Variants in TAB2 observed in about 807,000 individuals in gnomAD.
TAB2 encodes TGF-beta activated kinase 1 (MAP3K7) binding protein 2.
Under a neutral mutation model 65.0 loss-of-function variants are expected in TAB2, and 3 were observed. The ratio of observed to expected loss-of-function variants is 0.05; its 90% CI spans 0.02 to 0.12. TAB2 has a LOEUF of 0.12. TAB2 is among the 10% of genes least tolerant of loss of function. The pLI is 1.00. For missense variants in TAB2, 623 were observed against 840.3 expected, an observed-to-expected ratio of 0.74 and a Z score of 3.20; for synonymous variants, 298 against 285.1, an observed-to-expected ratio of 1.05 and a Z score of -0.46.
chr6:149,331,878 A>G (rs146261565), intron 1 of TAB2, among the ~76,000 whole-genome samples: 257 of 152,312 alleles, frequency 1.7e-3, no homozygotes, highest in Non-Finnish European at 3.0e-3. Flanking sequence ...CTTTGGAGAT[A>G]GAGCAAAGAT....
chr6:149,318,757 T>C (rs1779343028), intron 1 of TAB2: 1 of 152,316 alleles, frequency 6.6e-6, no homozygotes, highest in African/African-American at 2.4e-5. Context: ...TCAGGCACAG[T>C]CGTACACCAA....
At chr6:149,240,646 C>T (rs1777580175) in intron 1 of TAB2, among the ~76,000 whole-genome samples, 1 of 152,072 alleles carries the variant, frequency 6.6e-6, no homozygotes, top group Admixed American at 6.6e-5. Context: ...TTTTTCTACT[C>T]TTTCTACTAT....
chr6:149,310,769 A>C (rs1779153354), intron 1 of TAB2, among the ~76,000 whole-genome samples: 2 of 152,230 alleles, frequency 1.3e-5, no homozygotes, highest in South Asian at 4.1e-4. Flanking sequence ...CATCAAAAGC[A>C]ATATCTCTAC....
At chr6:149,382,880 A>G (rs1332248627) in intron 3 of TAB2, among the ~76,000 whole-genome samples, 1 of 152,110 alleles carries the variant, frequency 6.6e-6, no homozygotes, top group Non-Finnish European at 1.5e-5. Flanking sequence ...AAGGCTGGGC[A>G]TGGTGGCTCA....
chr6:149,241,603 A>T (rs1777599389), intron 1 of TAB2, among the ~76,000 whole-genome samples: 1 of 152,226 alleles, frequency 6.6e-6, no homozygotes, highest in South Asian at 2.1e-4. Context: ...AATATGACGA[A>T]AATGAGATTA....
intron 6 of TAB2, among the ~76,000 whole-genome samples, chr6:149,405,405 A>G (rs1782629952): frequency 6.6e-6 from 1 of 152,242 alleles, no homozygotes; most frequent in Non-Finnish European, 1.5e-5. Flanking sequence ...ACTACTGAGC[A>G]TATATCCAAA....
chr6:149,250,430 C>T (rs897729424), intron 1 of TAB2, among the ~76,000 whole-genome samples: 5 of 152,048 alleles, frequency 3.3e-5, no homozygotes, highest in Non-Finnish European at 5.9e-5. Flanking sequence ...CTCAACCTCC[C>T]GAGTACCTGG....
intron 1 of TAB2, among the ~76,000 whole-genome samples, chr6:149,287,441 A>G (rs574478415): frequency 6.6e-6 from 1 of 152,062 alleles, no homozygotes; most frequent in African/African-American, 2.4e-5. Context: ...TCCCCTACAC[A>G]TAAAGTTACA....
At chr6:149,277,043 CTTGA>C (rs917157540) in intron 1 of TAB2, among the ~76,000 whole-genome samples, 3 of 152,174 alleles carry the variant, frequency 2.0e-5, no homozygotes, top group African/African-American at 7.2e-5. Context: ...CTCATTCTCT[CTTGA>C]TTGTCACCAT....
At chr6:149,400,460 G>A (rs746964200) in intron 6 of TAB2, 29 of 1,614,100 alleles carry the variant, frequency 1.8e-5, no homozygotes, top group Admixed American at 1.5e-4. Flanking sequence ...TGAAGGTGGC[G>A]GGACAGGATG....
upstream of TAB2, among the ~76,000 whole-genome samples, chr6:149,315,215 A>C (rs1003162376): frequency 2.6e-5 from 4 of 152,212 alleles, no homozygotes; most frequent in Non-Finnish European, 5.9e-5. Context: ...GGTTTTAAAA[A>C]CTATTTACTT....
intron 2 of TAB2, among the ~76,000 whole-genome samples, chr6:149,375,809 G>A (rs1168590133): frequency 6.6e-6 from 1 of 152,168 alleles, no homozygotes; most frequent in African/African-American, 2.4e-5. Flanking sequence ...AAATTAGTAT[G>A]TATCAATTAA....
intron 1 of TAB2, among the ~76,000 whole-genome samples, chr6:149,245,811 C>T (rs1692551550): frequency 6.6e-6 from 1 of 152,218 alleles, no homozygotes; most frequent in Admixed American, 6.5e-5. Context: ...TACCATTCCC[C>T]TACAGATGGA....
chr6:149,267,292 T>C (rs1014241246), intron 1 of TAB2, among the ~76,000 whole-genome samples: 1 of 152,166 alleles, frequency 6.6e-6, no homozygotes, highest in Non-Finnish European at 1.5e-5. Flanking sequence ...TCCTTCTTCC[T>C]CTTCCTGCTG....
chr6:149,365,117 T>TA (rs1373780945), intron 1 of TAB2, among the ~76,000 whole-genome samples: 1 of 152,212 alleles, frequency 6.6e-6, no homozygotes, highest in East Asian at 1.9e-4. Context: ...CAGAACTTTA[T>TA]ACCTATTGCT....
At chr6:149,292,680 A>G (rs934356273) in intron 1 of TAB2, among the ~76,000 whole-genome samples, 1 of 152,250 alleles carries the variant, frequency 6.6e-6, no homozygotes, top group African/African-American at 2.4e-5. Flanking sequence ...ACATATGTCA[A>G]AAAATGACAT....
intron 1 of TAB2, among the ~76,000 whole-genome samples, chr6:149,275,252 GAAAGAAAGAA>G (rs1183986226): frequency 7.4e-6 from 1 of 135,252 alleles, no homozygotes; most frequent in Non-Finnish European, 1.6e-5. Flanking sequence ...AAGAAAGAAA[GAAAGAAAGAA>G]AGAAAGAAAG....
intron 2 of TAB2, among the ~76,000 whole-genome samples, chr6:149,370,394 C>T (rs952768598): frequency 2.0e-5 from 3 of 152,106 alleles, no homozygotes; most frequent in African/African-American, 7.2e-5. Context: ...ACTTTTCTCC[C>T]ACCTGTTCTG....
intron 1 of TAB2, among the ~76,000 whole-genome samples, chr6:149,264,276 T>A (rs1778215916): frequency 6.6e-6 from 1 of 152,168 alleles, no homozygotes. Flanking sequence ...AAGGAATGTG[T>A]GCCAGGGTCC....
Sources: gnomAD v4.1 joint callset for allele counts (sites outside exome capture counted in the v4.1 genomes callset) on GRCh38, gnomAD v4.1.1 for gene constraint, MANE v1.5 for transcripts, NCBI Gene and HGNC (gene_info 2026-07-23, HGNC 2026-07-21) for gene names.